The following ADAMTS2 variants were observed in gnomAD, a reference collection of about 807,000 sequenced individuals.
ADAMTS2 encodes ADAM metallopeptidase with thrombospondin type 1 motif 2.
A neutral mutation model predicts 123.0 loss-of-function variants in ADAMTS2; 50 were observed. The observed-to-expected ratio is 0.41, with a 90% CI of 0.32 to 0.51. The LOEUF (loss-of-function observed/expected upper bound fraction) is 0.51, where lower values mean the gene tolerates loss of function less well. ADAMTS2 is among the 20% of genes least tolerant of loss of function. ADAMTS2 has a pLI of 0.35. For synonymous variants in ADAMTS2, 678 were observed against 695.4 expected (o/e 0.98, Z 0.39); for missense variants, 1,494 against 1,705.2 (o/e 0.88, Z 2.18).
At chr5:179,322,956 A>G (rs1757227522) in intron 2 of ADAMTS2, among the ~76,000 whole-genome samples, 1 of 152,234 alleles carries the variant, frequency 6.6e-6, no homozygotes, top group Non-Finnish European at 1.5e-5. Flanking sequence ...GGCCGTGCCC[A>G]GCATGGGTGC....
At chr5:179,172,856 A>G (rs957381157) in intron 5 of ADAMTS2, among the ~76,000 whole-genome samples, 1 of 152,144 alleles carries the variant, frequency 6.6e-6, no homozygotes, top group African/African-American at 2.4e-5. Context: ...TTTTTAAAAA[A>G]TCATTTAAAA....
chr5:179,246,828 A>G (rs1406035183), intron 3 of ADAMTS2, among the ~76,000 whole-genome samples: 1 of 152,262 alleles, frequency 6.6e-6, no homozygotes, highest in East Asian at 1.9e-4. Context: ...TGGTGGCCAT[A>G]TATAATGAAC....
At position 179,171,768 on chromosome 5, in the gene ADAMTS2, TAGG is replaced by T. The variant is rs545906756; in HGVS notation, c.975+9301_975+9303del. Among the ~76,000 whole-genome samples, 17 of 152,154 alleles carry T rather than the reference TAGG, an allele frequency of 1.1e-4. No homozygotes were observed. In the East Asian group the frequency reaches 3.3e-3, roughly 29 times the overall value. ...AGCCCCACTCTGGGCAGGCATGAGT[TAGG>T]AGCAGAAAAAAAGGCCCAGAATGCT... On this transcript the variant is annotated intron_variant, in intron 5 of 21. Transcript: ENST00000251582.
At chr5:179,302,297 T>TA (rs780158274) in intron 2 of ADAMTS2, among the ~76,000 whole-genome samples, 1 of 125,356 alleles carries the variant, frequency 8.0e-6, no homozygotes, top group Non-Finnish European at 1.6e-5. Context: ...CCGTCTCTAC[T>TA]AAAAAAATAT....
chr5:179,288,550 G>C (rs1190541348), intron 2 of ADAMTS2, among the ~76,000 whole-genome samples: 1 of 152,210 alleles, frequency 6.6e-6, no homozygotes, highest in Non-Finnish European at 1.5e-5. Context: ...GAGGGGCGGG[G>C]GCAGGGCCCC....
At chr5:179,299,454 A>C (rs111890921) in intron 2 of ADAMTS2, among the ~76,000 whole-genome samples, 3 of 129,722 alleles carry the variant, frequency 2.3e-5, no homozygotes, top group Admixed American at 7.9e-5. Context: ...GTGTGAACCC[A>C]GGAGGCGGAG....
At position 179,314,473 on chromosome 5, in the gene ADAMTS2, A is replaced by G. The variant is rs912468804; in HGVS notation, c.534+29294T>C. On this transcript the variant is annotated intron_variant, in intron 2 of 21. Transcript: ENST00000251582. This position sits in a 1 kb window ranked among gnomAD's most constrained non-coding sequence, Gnocchi z 4.5. ...CTCAGTTTTCCCTGCTTTTTGAGACAAGAGTAGTAAATGCACCGTGCTGTA... is the reference window on the plus strand; with the variant it reads ...CTCAGTTTTCCCTGCTTTTTGAGACGAGAGTAGTAAATGCACCGTGCTGTA... 1.3e-5 allele frequency among the ~76,000 whole-genome samples: 2 copies of G among 152,026 alleles called. No individual in the cohort carries two copies. Among genetic ancestry groups the G allele is most frequent in the African/African-American group, 2.4e-5 (1 of 41,372 alleles).
Position 179,143,851 on chromosome 5 carries a change from TCTTTC to T in ADAMTS2, c.1630-3821_1630-3817del, listed in dbSNP as rs1306316116. ...ATTCCATTAATTTTTATCTGAATTT[TCTTTC>T]CTTTAACAAATATATTTGAAAATAA... On this transcript the variant is annotated intron_variant, in intron 10 of 21. Transcript: ENST00000251582. 3.9e-5 allele frequency among the ~76,000 whole-genome samples: 6 copies of T among 152,244 alleles called. No homozygotes were observed. The East Asian group carries it at 9.6e-4, about 24-fold the overall frequency.
At chr5:179,229,802 C>T (rs1253784388) in intron 3 of ADAMTS2, among the ~76,000 whole-genome samples, 2 of 152,178 alleles carry the variant, frequency 1.3e-5, no homozygotes, top group African/African-American at 4.8e-5. Context: ...TCCTAAGTAC[C>T]TTATGGGAAA....
intron 2 of ADAMTS2, among the ~76,000 whole-genome samples, chr5:179,293,200 G>A (rs1355965111): frequency 2.6e-5 from 4 of 152,192 alleles, no homozygotes; most frequent in African/African-American, 7.2e-5. Flanking sequence ...CGTTATTGGT[G>A]TTGCTTTGTC....
In ADAMTS2 at chr5:179,181,087, G is replaced by A. The variant is rs147007079; in HGVS notation, c.960C>T (p.Leu320=). The A allele has an allele frequency of 8.5e-5, 137 of 1,613,786 alleles. No individual in the cohort carries two copies. The highest frequency in any genetic ancestry group is 1.1e-4 in the Non-Finnish European group (131 of 1,179,908). Residue 320 remains leucine (L), a synonymous_variant, in exon 5 of 22, where the codon CTC becomes CTT. Coordinates refer to ENST00000251582, the MANE Select transcript of ADAMTS2 (RefSeq NM_014244.5). The surrounding 1 kb of genome is among the most constrained non-coding windows in gnomAD (Gnocchi z 4.1). ...HINVVLVRII[L]LSYGKSMSLI... is the part of the protein sequence containing the mutation. ...GTGCACTCACCTTTCCATAGCTCAG[G>A]AGGATGATCCGCACCAGGACCACGT...
intron 5 of ADAMTS2, among the ~76,000 whole-genome samples, chr5:179,160,000 C>T (rs1434053795): frequency 6.6e-6 from 1 of 152,186 alleles, no homozygotes; most frequent in East Asian, 1.9e-4. Context: ...TCCAAGAGAA[C>T]CGAGAGCCCC....
At chr5:179,279,880 C>G (rs1231449815) in intron 2 of ADAMTS2, among the ~76,000 whole-genome samples, 1 of 152,238 alleles carries the variant, frequency 6.6e-6, no homozygotes, top group Admixed American at 6.5e-5. Context: ...GGGACGCCAG[C>G]GGGCAGGAGC....
At chr5:179,275,854 T>C (rs771676032) in intron 2 of ADAMTS2, among the ~76,000 whole-genome samples, 6 of 152,196 alleles carry the variant, frequency 3.9e-5, no homozygotes, top group Non-Finnish European at 8.8e-5. Flanking sequence ...AGAAAAGTAA[T>C]TCAGGGTCCT....
chr5:179,207,633 T>G lies in ADAMTS2; in HGVS notation c.771A>C (p.Ala257=). The change falls in exon 4 of 22, where the codon GCA becomes GCC. Residue 257 remains alanine, a synonymous_variant. Transcript: ENST00000251582. ...EEHANSSRRR[A]RRHAADDDYN... ...AGTCATCGTCCGCAGCATGCCTGCG[T>G]GCCCTCCGCCTCGAGCTGTTGGCGT... 6.2e-7 allele frequency: 1 copy of G among 1,613,804 alleles called. No individual in the cohort carries two copies. Among genetic ancestry groups the G allele is most frequent in the Non-Finnish European group, 8.5e-7 (1 of 1,180,024 alleles).
At chr5:179,154,993 A>T in intron 6 of ADAMTS2, 74 bp from the exon 7 acceptor site, 1 of 1,352,504 alleles carries the variant, frequency 7.4e-7, no homozygotes, top group Non-Finnish European at 1.0e-6. Context: ...CCTAACTCCC[A>T]GGCGCTGCTT....
intron 1 of ADAMTS2, 61 bp from the exon 2 acceptor site, chr5:179,344,222 C>T (rs952070555): frequency 6.2e-5 from 94 of 1,524,948 alleles, no homozygotes; most frequent in Non-Finnish European, 7.9e-5. Context: ...CTCAGAGACC[C>T]GCCGGCAAGC....
rs189617920 is a variant in ADAMTS2, at chr5:179,113,841, G to T, written c.*26C>A. 2.1e-4 allele frequency: 333 copies of T among 1,606,448 alleles called. 2 individuals are homozygous for T. The African/African-American group carries it at 4.1e-3, about 20-fold the overall frequency. The stretch of plus-strand genomic sequence containing the variant: ...ATATCTCTATAAGCAAGAAAAAAAT[G>T]CTAGGGATGCTATCTTTCCATTTTA... On this transcript the variant is annotated 3_prime_UTR_variant, in exon 22 of 22. Coordinates refer to ENST00000251582, the MANE Select transcript of ADAMTS2 (RefSeq NM_014244.5).
In ADAMTS2 at chr5:179,111,141, G is replaced by T. The variant is rs991305370; in HGVS notation, c.*2726C>A. ...AAGCCTTATACATGAAATTCCATGGGTTTTCCAAAAGGAGTAAATCAGAGA... is the reference window on the plus strand; with the variant it reads ...AAGCCTTATACATGAAATTCCATGGTTTTTCCAAAAGGAGTAAATCAGAGA... On this transcript the variant is annotated 3_prime_UTR_variant, in exon 22 of 22. Coordinates refer to ENST00000251582, the MANE Select transcript of ADAMTS2 (RefSeq NM_014244.5). 6.6e-6 allele frequency: 1 copy of T among 152,184 alleles called. No homozygotes were observed. Among genetic ancestry groups the T allele is most frequent in the South Asian group, 2.1e-4 (1 of 4,834 alleles). 9.4% of individuals were successfully genotyped at this position (152,184 alleles called of 1,614,324 possible).
Sources: allele counts gnomAD v4.1 joint callset (sites outside exome capture counted in the v4.1 genomes callset), GRCh38; gene constraint gnomAD v4.1.1; non-coding constraint Gnocchi (gnomAD v3.1); transcripts MANE v1.5; gene names NCBI Gene and HGNC (gene_info 2026-07-23, HGNC 2026-07-21).